PLPP2: variants seen among roughly 807,000 people sequenced by gnomAD.
PLPP2 encodes phospholipid phosphatase 2, also known as PAP2-gamma.
A neutral mutation model predicts 35.2 loss-of-function variants in PLPP2; 29 were observed. That is an observed-to-expected ratio of 0.82 (90% CI 0.61 to 1.12). PLPP2 has a LOEUF of 1.12. Ranked by LOEUF, PLPP2 falls within the 50% of genes most tolerant of loss-of-function variation. The probability of loss-of-function intolerance (pLI) is 0.00; values close to 1 mark genes in which losing one functional copy is unlikely to be tolerated. For missense variants in PLPP2, 353 were observed against 375.2 expected, an observed-to-expected ratio of 0.94 and a Z score of 0.49; for synonymous variants, 162 against 167.0, an observed-to-expected ratio of 0.97 and a Z score of 0.23.
intron 3 of PLPP2, chr19:283,186 G>T: frequency 5.4e-6 from 1 of 184,184 alleles, no homozygotes; most frequent in Non-Finnish European, 1.1e-5. Context: ...ATTCGGTGAA[G>T]GACATCAAGA....
chr19:285,976 A>C (rs1970266112), intron 3 of PLPP2: 1 of 151,620 alleles, frequency 6.6e-6, no homozygotes, highest in Admixed American at 6.6e-5. Context: ...GTCTCAAAAA[A>C]TAAAATTAAT....
At chr19:289,258 G>T (rs1970334547) in intron 1 of PLPP2, among the ~76,000 whole-genome samples, 1 of 152,184 alleles carries the variant, frequency 6.6e-6, no homozygotes, top group Non-Finnish European at 1.5e-5. Flanking sequence ...AAAGGGTGTG[G>T]CTTTTCTAAG....
chr19:290,935 G>A, intron 1 of PLPP2: 1 of 1,230,914 alleles, frequency 8.1e-7, no homozygotes. Context: ...CCCACCTCCC[G>A]GGCCCGCGTG....
At position 288,010 on chromosome 19, in the gene PLPP2, C is replaced by T. The variant is rs751826426; in HGVS notation, c.204+10G>A. ...CCCTACCCAGTCCCTCTGAGCCCCT[C>T]CTGCCTTACAAGGATGACGGTGGCC... On this transcript the variant is annotated intron_variant, in intron 2 of 5. Coordinates refer to ENST00000434325, the MANE Select transcript of PLPP2 (RefSeq NM_003712.4). 5.0e-6 allele frequency: 8 copies of T among 1,613,162 alleles called. No individual in the cohort carries two copies. Among genetic ancestry groups the T allele is most frequent in the Non-Finnish European group, 5.9e-6 (7 of 1,179,766 alleles).
At position 291,300 on chromosome 19, in the gene PLPP2, G is replaced by C. The variant is rs746084263; in HGVS notation, c.37C>G (p.Leu13Val). ...AGGCTCTTACCGACCAGTAAGCACA[G>C]CACGTCGAGCAGCACGAAGACCCAC... The part of the protein sequence containing the change: ...RRWVFVLLDV[L>V]CLLVASLPFA... The change falls in exon 1 of 6, where the codon CTG becomes GTG. Residue 13 changes from leucine (L) to valine (V), a missense_variant. By Grantham distance (32) the Leu-to-Val change is conservative. Coordinates refer to ENST00000434325, the MANE Select transcript of PLPP2 (RefSeq NM_003712.4). 6.2e-7 allele frequency: 1 copy of C among 1,601,510 alleles called. No individual in the cohort carries two copies. The highest frequency in any genetic ancestry group is 1.1e-5 in the South Asian group (1 of 89,596).
At chr19:286,055 A>G (rs778124840) in intron 3 of PLPP2, 4 of 151,288 alleles carry the variant, frequency 2.6e-5, no homozygotes, top group African/African-American at 4.9e-5. Context: ...GCTACTGGGG[A>G]GGCTGAGGCA....
chr19:287,968 C>A lies in PLPP2; in HGVS notation c.204+52G>T. 6.7e-7 allele frequency: 1 copy of A among 1,487,474 alleles called. No homozygotes were observed. The highest frequency in any genetic ancestry group is 9.0e-7 in the Non-Finnish European group (1 of 1,113,290). The allele number at this position is 1,487,474 out of a possible 1,614,324, so 92.1% of individuals were successfully genotyped here. On this transcript the variant is annotated intron_variant, in intron 2 of 5. Transcript: ENST00000434325. This position sits in a 1 kb window ranked among gnomAD's most constrained non-coding sequence, Gnocchi z 4.3. ...CCCCCATCAGGCCCCCAGGGTAAAGCTGGCCCCACCCCATCCCCCTACCCA... is the reference window on the plus strand; with the variant it reads ...CCCCCATCAGGCCCCCAGGGTAAAGATGGCCCCACCCCATCCCCCTACCCA...
rs1420867217 is a variant in PLPP2 at position 287,497 on chromosome 19, G to T, written c.459C>A (p.Asn153Lys). 5 of 1,612,546 alleles carry T rather than the reference G, an allele frequency of 3.1e-6. No homozygotes were observed. The part of the protein sequence containing the change: ...YVQLEKVCRG[N>K]PADVTEARLS... ...ACCTGGCCTCGGTGACATCAGCAGG[G>T]TTTCCCCTGCACACCTTCTCCAGCT... The change falls in exon 3 of 6, where the codon AAC becomes AAA. Residue 153 changes from asparagine (N) to lysine (K), a missense_variant. Asn to Lys is a moderately conservative substitution (Grantham distance 94, BLOSUM62 0). Transcript: ENST00000434325. The surrounding 1 kb of genome is among the most constrained non-coding windows in gnomAD (Gnocchi z 4.3).
chr19:291,174 C>A, intron 1 of PLPP2, 111 bp downstream of exon 1: 1 of 1,546,482 alleles, frequency 6.5e-7, no homozygotes, highest in Non-Finnish European at 8.7e-7. Context: ...CCAGGGTCCT[C>A]GGAGGGACGA....
chr19:285,631 A>C (rs1402835751), intron 3 of PLPP2: 2 of 149,676 alleles, frequency 1.3e-5, no homozygotes, highest in Non-Finnish European at 3.0e-5. Flanking sequence ...GAAAAAAAAC[A>C]TTATTCAGCC....
chr19:282,979 G>C, intron 3 of PLPP2, 170 bp from the exon 4 acceptor site: 1 of 635,054 alleles, frequency 1.6e-6, no homozygotes, highest in Non-Finnish European at 2.8e-6. Flanking sequence ...TCTGATAATG[G>C]AATAAGAGTC....
rs1300538820 is a variant in PLPP2, at chr19:282,816, A to G, written c.483-7T>C. The G allele has an allele frequency of 1.9e-6, 3 of 1,613,254 alleles. No individual in the cohort carries two copies. In the Admixed American group the frequency reaches 5.0e-5, roughly 27 times the overall value. ...TCCCGAGTAGAAAGACAACCTGAGG[A>G]AGGAGAAGGGGCAGGTGGCTCACTC... On this transcript the variant is annotated splice_polypyrimidine_tract_variant and splice_region_variant and intron_variant, in intron 3 of 5. Transcript: ENST00000434325.
In PLPP2 at chr19:288,176, T is replaced by C; in HGVS notation, c.53-5A>G. 1 of 1,567,910 alleles carries C rather than the reference T, an allele frequency of 6.4e-7. No homozygotes were observed. Among genetic ancestry groups the C allele is most frequent in the Non-Finnish European group, 8.7e-7 (1 of 1,152,410 alleles). Reference sequence around the variant, plus strand: ...GGATAGCGAAGGGCAGGGAGGCTGGTGGGGAAGAAAAGCCTGGGAGCTGTG... The same window carrying C: ...GGATAGCGAAGGGCAGGGAGGCTGGCGGGGAAGAAAAGCCTGGGAGCTGTG... On this transcript the variant is annotated splice_region_variant and splice_polypyrimidine_tract_variant and intron_variant, in intron 1 of 5. Transcript: ENST00000434325.
At chr19:282,354 G>A (rs765439247) in intron 4 of PLPP2, 44 bp from the exon 5 acceptor site, 5 of 1,572,956 alleles carry the variant, frequency 3.2e-6, no homozygotes, top group African/African-American at 1.4e-5. Context: ...CCTGCCAGGC[G>A]CTCCCCCTCC....
Position 282,734 on chromosome 19 carries a change from C to G in PLPP2, c.540+18G>C, listed in dbSNP as rs769249351. Reference sequence around the variant, plus strand: ...CCATGGTTCCCCCGAAAAGCAAGCCCGGGAGAAACAGACTCACCGCCAAGA... The same window carrying G: ...CCATGGTTCCCCCGAAAAGCAAGCCGGGGAGAAACAGACTCACCGCCAAGA... On this transcript the variant is annotated intron_variant, in intron 4 of 5. Transcript: ENST00000434325. The G allele has an allele frequency of 1.8e-5, 29 of 1,609,890 alleles. No homozygotes were observed. Among genetic ancestry groups the G allele is most frequent in the Middle Eastern group, 3.3e-4 (2 of 6,064 alleles).
chr19:288,028 C>G lies in PLPP2; in HGVS notation c.196G>C (p.Val66Leu). 1 of 1,612,972 alleles carries G rather than the reference C, an allele frequency of 6.2e-7. No individual in the cohort carries two copies. Among genetic ancestry groups the G allele is most frequent in the African/African-American group, 1.3e-5 (1 of 74,896 alleles). ...AGCCCCTCCTGCCTTACAAGGATGA[C>G]GGTGGCCGTGATGGTGACCCCAGCC... ...LMAGVTITAT[V>L]ILVSAGEAYL... The change falls in exon 2 of 6, where the codon GTC (valine) becomes CTC (leucine). Residue 66 changes from valine to leucine, a missense_variant. Val to Leu is a conservative substitution (Grantham distance 32). Transcript: ENST00000434325.
In PLPP2 at chr19:287,625, A is replaced by G. The variant is rs1428637152; in HGVS notation, c.331T>C (p.Ser111Pro). ...TFLFGAAVSQ[S>P]LTDLAKYMIG... ...ATGTACTTGGCCAGGTCTGTCAGAG[A>G]CTGGCTCACGGCAGCCCCAAACAGG... Residue 111 changes from serine (S) to proline (P), a missense_variant, in exon 3 of 6, where the codon TCT becomes CCT. By Grantham distance (74) the Ser-to-Pro change is moderately conservative. Coordinates refer to ENST00000434325, the MANE Select transcript of PLPP2 (RefSeq NM_003712.4). The surrounding 1 kb of genome is among the most constrained non-coding windows in gnomAD (Gnocchi z 4.3). The G allele has an allele frequency of 6.2e-7, 1 of 1,613,770 alleles. No homozygotes were observed. The highest frequency in any genetic ancestry group is 8.5e-7 in the Non-Finnish European group (1 of 1,180,030).
At position 281,952 on chromosome 19, in the gene PLPP2, C is replaced by A; in HGVS notation, c.717+182G>T. 4.0e-6 allele frequency: 2 copies of A among 502,098 alleles called. 1 individual carries two copies. Among genetic ancestry groups the A allele is most frequent in the South Asian group, 4.1e-5 (2 of 49,034 alleles). The allele number at this position is 502,098 out of a possible 1,614,324, so 31.1% of individuals were successfully genotyped here. A position where few individuals can be genotyped will look rare whatever the true frequency, so the allele number is the denominator to read the frequency against. ...TGGGGAGAAGGGGTCCAGGGGAGGA[C>A]TGGGGGGAAGGATGGGGTAAAGGGA... On this transcript the variant is annotated intron_variant, in intron 5 of 5. Coordinates refer to ENST00000434325, the MANE Select transcript of PLPP2 (RefSeq NM_003712.4).
At chr19:290,316 T>A (rs1036885077) in intron 1 of PLPP2, among the ~76,000 whole-genome samples, 5 of 152,198 alleles carry the variant, frequency 3.3e-5, no homozygotes, top group Admixed American at 1.3e-4. Context: ...TGTTTGTTAT[T>A]TGCATGTTGC....
Sources: gnomAD v4.1 joint callset for allele counts (sites outside exome capture counted in the v4.1 genomes callset) on GRCh38, gnomAD v4.1.1 for gene constraint, Gnocchi (gnomAD v3.1) non-coding constraint, MANE v1.5 for transcripts, NCBI Gene and HGNC (gene_info 2026-07-23, HGNC 2026-07-21) for gene names.